The following BRAP variants were observed in gnomAD, a reference collection of about 807,000 sequenced individuals.
BRAP encodes the protein BRCA1-associated protein.
In BRAP, 42 loss-of-function variants were observed where a neutral mutation model predicts 73.4. That is an observed-to-expected ratio of 0.57 (90% CI 0.45 to 0.74). The LOEUF (loss-of-function observed/expected upper bound fraction) is 0.74. Among genes scored for constraint, BRAP ranks in the 30% least tolerant of loss-of-function variants. The pLI is 0.00. For missense variants in BRAP, 593 were observed against 751.4 expected (o/e 0.79, Z 2.46); for synonymous variants, 255 against 267.4 (o/e 0.95, Z 0.45).
intron 2 of BRAP, among the ~76,000 whole-genome samples, chr12:111,682,611 G>T (rs533871274): frequency 6.6e-6 from 1 of 151,828 alleles, no homozygotes; most frequent in South Asian, 2.1e-4. Flanking sequence ...GAACTAGGTG[G>T]TAAGAAATTC....
chr12:111,652,721 T>C (rs376481044), intron 10 of BRAP, among the ~76,000 whole-genome samples: 1 of 151,742 alleles, frequency 6.6e-6, no homozygotes, highest in South Asian at 2.1e-4. Context: ...CTCTCTCTCT[T>C]TTTTTTTGAG....
intron 4 of BRAP, chr12:111,673,096 A>G: frequency 3.8e-6 from 1 of 260,238 alleles, no homozygotes; most frequent in Non-Finnish European, 7.2e-6. Flanking sequence ...TTCCCTTAAT[A>G]GCAGTTTTTT....
intron 4 of BRAP, among the ~76,000 whole-genome samples, chr12:111,678,272 AAAG>A (rs1391889543): frequency 1.3e-5 from 2 of 148,728 alleles, no homozygotes; most frequent in African/African-American, 4.9e-5. Context: ...AAAAAAAATG[AAAG>A]AAGTGGGGGT....
At chr12:111,652,928 C>T (rs954225682) in intron 10 of BRAP, among the ~76,000 whole-genome samples, 1 of 152,180 alleles carries the variant, frequency 6.6e-6, no homozygotes, top group Non-Finnish European at 1.5e-5. Context: ...CCAGGATGGT[C>T]TCAATCTCTT....
intron 5 of BRAP, among the ~76,000 whole-genome samples, chr12:111,666,020 A>T (rs913938477): frequency 6.6e-6 from 1 of 152,128 alleles, no homozygotes; most frequent in Non-Finnish European, 1.5e-5. Flanking sequence ...TCTTCTTTTA[A>T]TAATAGTTTT....
At chr12:111,674,626 G>A (rs533698748) in intron 4 of BRAP, among the ~76,000 whole-genome samples, 3 of 152,284 alleles carry the variant, frequency 2.0e-5, no homozygotes, top group African/African-American at 7.2e-5. Flanking sequence ...TTTTGGAGGG[G>A]CAGAGTGGCA....
At chr12:111,657,607 C>T (rs1421111294) in intron 9 of BRAP, among the ~76,000 whole-genome samples, 6 of 152,190 alleles carry the variant, frequency 3.9e-5, no homozygotes, top group South Asian at 2.1e-4. Context: ...TGGCCGGGTA[C>T]GGTGGCTCAT....
At chr12:111,682,907 C>CA (rs950490308) in intron 2 of BRAP, among the ~76,000 whole-genome samples, 58 of 146,130 alleles carry the variant, frequency 4.0e-4, no homozygotes, top group Non-Finnish European at 2.9e-4. Flanking sequence ...GACCCTGCCT[C>CA]AAAAAAAAAA....
intron 2 of BRAP, among the ~76,000 whole-genome samples, chr12:111,682,326 T>C (rs1887632381): frequency 1.3e-5 from 2 of 151,366 alleles, no homozygotes; most frequent in Non-Finnish European, 2.9e-5. Flanking sequence ...GGTGAAACCC[T>C]GTCTCTACCA....
chr12:111,676,107 G>A (rs1354118077), intron 4 of BRAP, among the ~76,000 whole-genome samples: 1 of 151,682 alleles, frequency 6.6e-6, no homozygotes, highest in Non-Finnish European at 1.5e-5. Flanking sequence ...TGAACCCCTG[G>A]CCTTAAGCAA....
At chr12:111,658,913 G>T in intron 8 of BRAP, 68 bp from the exon 9 acceptor site, 1 of 1,272,624 alleles carries the variant, frequency 7.9e-7, no homozygotes, top group Non-Finnish European at 1.1e-6. Context: ...TTTTAACTCT[G>T]ACAAAATTTT....
rs967882075 is a variant in BRAP at position 111,647,747 on chromosome 12, T to C, written c.1415+2192A>G. Among the ~76,000 whole-genome samples, 3 of 151,858 alleles carry C rather than the reference T, an allele frequency of 2.0e-5. No homozygotes were observed. The East Asian group carries it at 5.8e-4, about 29-fold the overall frequency. Reference sequence around the variant, plus strand: ...CCTGTTTCTACTAAAAATACAAAATTAGCCACGCATGGTGGTGCATGCCTG... The same window carrying C: ...CCTGTTTCTACTAAAAATACAAAATCAGCCACGCATGGTGGTGCATGCCTG... On this transcript the variant is annotated intron_variant, in intron 11 of 11. Transcript: ENST00000419234.
At chr12:111,649,705 T>C (rs1383800223) in intron 11 of BRAP, among the ~76,000 whole-genome samples, 1 of 152,252 alleles carries the variant, frequency 6.6e-6, no homozygotes, top group Non-Finnish European at 1.5e-5. Context: ...AAATGGAAGA[T>C]ATCTGCACAC....
At chr12:111,647,098 C>T (rs1052339624) in intron 11 of BRAP, among the ~76,000 whole-genome samples, 8 of 152,006 alleles carry the variant, frequency 5.3e-5, no homozygotes, top group East Asian at 1.9e-4. Context: ...GGCAAGACCC[C>T]GTCTCTACAA....
intron 4 of BRAP, among the ~76,000 whole-genome samples, chr12:111,674,427 G>A (rs1386103223): frequency 6.6e-6 from 1 of 152,086 alleles, no homozygotes; most frequent in Admixed American, 6.6e-5. Context: ...TATTTTAGTA[G>A]ACACAGGGTT....
chr12:111,669,805 C>T (rs1252936710), intron 5 of BRAP: 5 of 517,554 alleles, frequency 9.7e-6, no homozygotes, highest in African/African-American at 2.0e-5. Flanking sequence ...GAAACTGTTC[C>T]TTTTAAGTTT....
intron 10 of BRAP, among the ~76,000 whole-genome samples, chr12:111,654,460 C>T (rs371153378): frequency 6.6e-6 from 1 of 151,960 alleles, no homozygotes; most frequent in Non-Finnish European, 1.5e-5. Context: ...GGATTACAGG[C>T]GCCTGCCACC....
intron 5 of BRAP, among the ~76,000 whole-genome samples, chr12:111,668,339 T>A (rs6490268): frequency 0.97 from 145,437 of 150,220 alleles, 70,340 homozygotes; most frequent in South Asian, 0.99. Context: ...ACAATGTTAA[T>A]TTTTTTTTTT....
In BRAP at chr12:111,679,329, G is replaced by T; in HGVS notation, c.455C>A (p.Ser152Tyr). The T allele has an allele frequency of 6.5e-7, 1 of 1,539,338 alleles. No individual in the cohort carries two copies. The highest frequency in any genetic ancestry group is 1.3e-5 in the South Asian group (1 of 76,568). ...ACTGCGCCGCACATCTTCTTTTAAG[G>T]AGGTCATCTTACTAACAAAAAAAAA... is the stretch of plus-strand genomic sequence containing the variant. ...MHLYKTNKMT[S>Y]LKEDVRRSAM... is the part of the protein sequence containing the mutation. Residue 152 changes from serine (S) to tyrosine (Y), a missense_variant, in exon 4 of 12, where the codon TCC (serine) becomes TAC (tyrosine). By Grantham distance (144) the Ser-to-Tyr change is moderately radical. Coordinates refer to ENST00000419234, the MANE Select transcript of BRAP (RefSeq NM_006768.5).
Sources: gnomAD v4.1 joint callset for allele counts (sites outside exome capture counted in the v4.1 genomes callset) on GRCh38, gnomAD v4.1.1 for gene constraint, MANE v1.5 for transcripts, NCBI Gene and HGNC (gene_info 2026-07-23, HGNC 2026-07-21) for gene names.